The following EDC4 variants were observed in gnomAD, a reference collection of about 807,000 sequenced individuals.
The protein encoded by EDC4 is enhancer of mRNA-decapping protein 4.
A neutral mutation model predicts 155.8 loss-of-function variants in EDC4; 64 were observed. That is an observed-to-expected ratio of 0.41 (90% CI 0.34 to 0.51). The LOEUF is 0.51. EDC4 is among the 20% of genes least tolerant of loss of function. The pLI is 0.19. For missense variants in EDC4, 1,303 were observed against 1,812.5 expected (o/e 0.72, Z 5.10); for synonymous variants, 684 against 716.8 (o/e 0.95, Z 0.73).
Position 67,875,976 on chromosome 16 carries a change from T to G in EDC4, c.114T>G (p.Ser38Arg), listed in dbSNP as rs2058039762. The G allele has an allele frequency of 1.3e-5, 21 of 1,614,046 alleles. No homozygotes were observed. Among genetic ancestry groups the G allele is most frequent in the Non-Finnish European group, 1.8e-5 (21 of 1,180,014 alleles). The change falls in exon 2 of 29, where the codon AGT becomes AGG. Residue 38 changes from serine (S) to arginine (R), a missense_variant. Ser to Arg is a moderately radical substitution (Grantham distance 110). Transcript: ENST00000358933. ...GPSAESPRPS[S>R]AYNGDLNGLL... is the part of the protein sequence containing the mutation. ...GTGCAGAGAGCCCACGGCCATCCAG[T>G]GCCTACAATGGGGACCTCAATGGAC... is the stretch of plus-strand genomic sequence containing the variant.
At position 67,882,175 on chromosome 16, in the gene EDC4, T is replaced by G; in HGVS notation, c.3161-37T>G. On this transcript the variant is annotated intron_variant, in intron 23 of 28. Transcript: ENST00000358933. The surrounding 1 kb of genome is among the most constrained non-coding windows in gnomAD (Gnocchi z 7.2). ...GGAGTGGGGTACCTGTCAAGCTTCT[T>G]CTCATGGCTCCACCTCACCCTCTTC... 1 of 1,610,946 alleles carries G rather than the reference T, an allele frequency of 6.2e-7. No homozygotes were observed. Among genetic ancestry groups the G allele is most frequent in the East Asian group, 2.2e-5 (1 of 44,876 alleles).
Position 67,882,874 on chromosome 16 carries a change from G to T in EDC4, c.3629+9G>T. On this transcript the variant is annotated intron_variant, in intron 26 of 28. Coordinates refer to ENST00000358933, the MANE Select transcript of EDC4 (RefSeq NM_014329.5). The surrounding 1 kb of genome is among the most constrained non-coding windows in gnomAD (Gnocchi z 7.2). ...CATGTGGCTGTGGGCAGGTGTGTGG[G>T]CAGAGTACTGGGCAAGGTGGTGGGC... The T allele has an allele frequency of 1.9e-6, 3 of 1,614,140 alleles. No individual in the cohort carries two copies. The highest frequency in any genetic ancestry group is 2.5e-6 in the Non-Finnish European group (3 of 1,180,040).
Position 67,880,267 on chromosome 16 carries a change from A to G in EDC4, c.2097+51A>G. 1.9e-6 allele frequency: 3 copies of G among 1,545,142 alleles called. No homozygotes were observed. The highest frequency in any genetic ancestry group is 2.4e-5 in the South Asian group (2 of 82,984). On this transcript the variant is annotated intron_variant, in intron 17 of 28. Transcript: ENST00000358933. The surrounding 1 kb of genome is among the most constrained non-coding windows in gnomAD (Gnocchi z 5.2). ...GTGTGGGGAGCAGGTGGGCAGCAGC[A>G]GGGAAGGTGGGTGGTGGGCTCCTCC...
Position 67,880,296 on chromosome 16 carries a change from C to G in EDC4, c.2097+80C>G. 1 of 1,507,588 alleles carries G rather than the reference C, an allele frequency of 6.6e-7. No homozygotes were observed. Among genetic ancestry groups the G allele is most frequent in the South Asian group, 1.3e-5 (1 of 77,762 alleles). 93.4% of individuals were successfully genotyped at this position (1,507,588 alleles called of 1,614,324 possible). ...AAGGTGGGTGGTGGGCTCCTCCCAG[C>G]CCCCTGCTGCTGATCCTGCTCTACC... On this transcript the variant is annotated intron_variant, in intron 17 of 28. Transcript: ENST00000358933. The surrounding 1 kb of genome is among the most constrained non-coding windows in gnomAD (Gnocchi z 5.2).
chr16:67,876,081 C>T lies in EDC4; in HGVS notation c.219C>T (p.Asn73=). The part of the protein sequence containing the change: ...KTGLRTMPPI[N]LQEKQVICLS... ...GTCTTCGGACCATGCCACCCATTAA[C>T]CTGCAAGAGAAGCAGGTCATGTGAG... The change falls in exon 2 of 29, where the codon AAC becomes AAT. Residue 73 remains asparagine, a synonymous_variant. Coordinates refer to ENST00000358933, the MANE Select transcript of EDC4 (RefSeq NM_014329.5). The surrounding 1 kb of genome is among the most constrained non-coding windows in gnomAD (Gnocchi z 5.8). 2 of 1,614,124 alleles carry T rather than the reference C, an allele frequency of 1.2e-6. No individual in the cohort carries two copies. The highest frequency in any genetic ancestry group is 2.2e-5 in the South Asian group (2 of 91,068).
chr16:67,873,209 CGCG>C lies in EDC4; in HGVS notation c.-42_-40del, dbSNP rs1052446073. On this transcript the variant is annotated 5_prime_UTR_variant, in exon 1 of 29. Transcript: ENST00000358933. ...GGCGGGTGAGCGAGGGTGCGTGGTG[CGCG>C]GCGGCGGCGGAACGAACGCGGTGCG... 76 of 1,288,634 alleles carry C rather than the reference CGCG, an allele frequency of 5.9e-5. No individual in the cohort carries two copies. Among genetic ancestry groups the C allele is most frequent in the South Asian group, 1.1e-4 (6 of 57,098 alleles). The allele number at this position is 1,288,634 out of a possible 1,614,324, so 79.8% of individuals were successfully genotyped here. A position where few individuals can be genotyped will look rare whatever the true frequency, so the allele number is the denominator to read the frequency against.
chr16:67,873,215 G>A lies in EDC4; in HGVS notation c.-47G>A, dbSNP rs2058026806. On this transcript the variant is annotated 5_prime_UTR_variant, in exon 1 of 29. Coordinates refer to ENST00000358933, the MANE Select transcript of EDC4 (RefSeq NM_014329.5). ...TGAGCGAGGGTGCGTGGTGCGCGGC[G>A]GCGGCGGAACGAACGCGGTGCGGGC... The A allele has an allele frequency of 1.5e-6, 2 of 1,328,470 alleles. No homozygotes were observed. Among genetic ancestry groups the A allele is most frequent in the South Asian group, 1.7e-5 (1 of 58,630 alleles). The allele number at this position is 1,328,470 out of a possible 1,614,324, so 82.3% of individuals were successfully genotyped here. A position where few individuals can be genotyped will look rare whatever the true frequency, so the allele number is the denominator to read the frequency against.
chr16:67,878,684 A>G lies in EDC4; in HGVS notation c.1184+53A>G. 4.3e-6 allele frequency: 7 copies of G among 1,614,158 alleles called. No individual in the cohort carries two copies. The highest frequency in any genetic ancestry group is 5.9e-6 in the Non-Finnish European group (7 of 1,180,026). On this transcript the variant is annotated intron_variant, in intron 10 of 28. Coordinates refer to ENST00000358933, the MANE Select transcript of EDC4 (RefSeq NM_014329.5). This position sits in a 1 kb window ranked among gnomAD's most constrained non-coding sequence, Gnocchi z 5.2. ...CTGGGCAGGGGCGGCAGGGTTGGGAATGTAGCTTCCTTCAGTTCTCAGGCT... is the reference window on the plus strand; with the variant it reads ...CTGGGCAGGGGCGGCAGGGTTGGGAGTGTAGCTTCCTTCAGTTCTCAGGCT...
Position 67,878,257 on chromosome 16 carries a change from A to G in EDC4, c.986A>G (p.Glu329Gly). 1.9e-6 allele frequency: 3 copies of G among 1,614,164 alleles called. No homozygotes were observed. Among genetic ancestry groups the G allele is most frequent in the Non-Finnish European group, 2.5e-6 (3 of 1,180,038 alleles). ...GYVKFWQIYI[E>G]GQDEPRCLHE... is the part of the protein sequence containing the mutation. ...GTCAAGTTCTGGCAGATCTACATTG[A>G]GGGGCAAGATGAGCCAAGGTAAGGC... is the stretch of plus-strand genomic sequence containing the variant. The change falls in exon 8 of 29, where the codon GAG becomes GGG. Residue 329 changes from glutamate to glycine, a missense_variant. This residue lies in a region of EDC4 where 235 missense variants were observed against 367.7 expected (regional missense o/e 0.64). Transcript: ENST00000358933. This position sits in a 1 kb window ranked among gnomAD's most constrained non-coding sequence, Gnocchi z 5.2.
At position 67,883,530 on chromosome 16, in the gene EDC4, A is replaced by T; in HGVS notation, c.3850-38A>T. 6.2e-7 allele frequency: 1 copy of T among 1,606,460 alleles called. No individual in the cohort carries two copies. The highest frequency in any genetic ancestry group is 8.5e-7 in the Non-Finnish European group (1 of 1,178,044). ...TCAGACAAGCAGACATTCCATCCTGATATTTGCTATAAACACTGCTGCTTT... is the reference window on the plus strand; with the variant it reads ...TCAGACAAGCAGACATTCCATCCTGTTATTTGCTATAAACACTGCTGCTTT... On this transcript the variant is annotated intron_variant, in intron 27 of 28. Coordinates refer to ENST00000358933, the MANE Select transcript of EDC4 (RefSeq NM_014329.5). This position sits in a 1 kb window ranked among gnomAD's most constrained non-coding sequence, Gnocchi z 5.3.
chr16:67,873,180 C>T lies in EDC4; in HGVS notation c.-82C>T. 1 of 1,104,838 alleles carries T rather than the reference C, an allele frequency of 9.1e-7. No individual in the cohort carries two copies. The highest frequency in any genetic ancestry group is 1.2e-6 in the Non-Finnish European group (1 of 834,578). The allele number at this position is 1,104,838 out of a possible 1,614,324, so 68.4% of individuals were successfully genotyped here. Reference sequence around the variant, plus strand: ...GTGACCGGCGTCCCGCTGTCTCGCCCCGTGGCGGGTGAGCGAGGGTGCGTG... The same window carrying T: ...GTGACCGGCGTCCCGCTGTCTCGCCTCGTGGCGGGTGAGCGAGGGTGCGTG... On this transcript the variant is annotated 5_prime_UTR_variant, in exon 1 of 29. Transcript: ENST00000358933.
In EDC4 at chr16:67,879,087, G is replaced by T; in HGVS notation, c.1418G>T (p.Arg473Leu). The change falls in exon 12 of 29, where the codon CGG (arginine) becomes CTG (leucine). Residue 473 changes from arginine (R) to leucine (L), a missense_variant. Around this residue, in one of 5 missense-constraint regions of EDC4, gnomAD observed 391 missense variants for 445.4 expected, o/e 0.88. Transcript: ENST00000358933. This position sits in a 1 kb window ranked among gnomAD's most constrained non-coding sequence, Gnocchi z 6.0. The part of the protein sequence containing the change: ...GIQVVSRCRL[R>L]HTEVLPAEEE... ...CAGGTTGTGAGTCGCTGCCGGCTACGGCACACTGAGGTGCTGCCTGCCGAA... is the reference window on the plus strand; with the variant it reads ...CAGGTTGTGAGTCGCTGCCGGCTACTGCACACTGAGGTGCTGCCTGCCGAA... 1 of 1,613,838 alleles carries T rather than the reference G, an allele frequency of 6.2e-7. No individual in the cohort carries two copies. The highest frequency in any genetic ancestry group is 2.2e-5 in the East Asian group (1 of 44,882).
Position 67,876,074 on chromosome 16 carries a change from C to A in EDC4, c.212C>A (p.Pro71His), listed in dbSNP as rs769061225. The A allele has an allele frequency of 6.2e-7, 1 of 1,614,108 alleles. No individual in the cohort carries two copies. Among genetic ancestry groups the A allele is most frequent in the Non-Finnish European group, 8.5e-7 (1 of 1,180,018 alleles). ...ANKTGLRTMP[P>H]INLQEKQVIC... is the part of the protein sequence containing the mutation. ...AAGACTGGTCTTCGGACCATGCCAC[C>A]CATTAACCTGCAAGAGAAGCAGGTC... is the stretch of plus-strand genomic sequence containing the variant. The change falls in exon 2 of 29, where the codon CCC (proline) becomes CAC (histidine). Residue 71 changes from proline to histidine, a missense_variant. Transcript: ENST00000358933. The surrounding 1 kb of genome is among the most constrained non-coding windows in gnomAD (Gnocchi z 5.8).
Position 67,881,984 on chromosome 16 carries a change from G to A in EDC4, c.3035G>A (p.Gly1012Glu), listed in dbSNP as rs542709060. 147 of 1,610,198 alleles carry A rather than the reference G, an allele frequency of 9.1e-5. No homozygotes were observed. The highest frequency in any genetic ancestry group is 1.0e-4 in the Non-Finnish European group (123 of 1,178,314). The change falls in exon 23 of 29, where the codon GGG (glycine) becomes GAG (glutamate). Residue 1012 changes from glycine to glutamate, a missense_variant. By Grantham distance (98) the Gly-to-Glu change is moderately conservative (BLOSUM62 -2). Coordinates refer to ENST00000358933, the MANE Select transcript of EDC4 (RefSeq NM_014329.5). This position sits in a 1 kb window ranked among gnomAD's most constrained non-coding sequence, Gnocchi z 5.4. ...QRRLERALAE[G>E]QQRGGQLQEQ... ...CGGCTGGAGCGAGCACTGGCTGAGG[G>A]GCAGCAGCGGGGAGGGCAGCTGCAG... is the stretch of plus-strand genomic sequence containing the variant.
chr16:67,879,357 AC>A lies in EDC4; in HGVS notation c.1541+49del. The A allele has an allele frequency of 6.2e-7, 1 of 1,613,948 alleles. No individual in the cohort carries two copies. Among genetic ancestry groups the A allele is most frequent in the South Asian group, 1.1e-5 (1 of 91,082 alleles). On this transcript the variant is annotated intron_variant, in intron 13 of 28. Coordinates refer to ENST00000358933, the MANE Select transcript of EDC4 (RefSeq NM_014329.5). This position sits in a 1 kb window ranked among gnomAD's most constrained non-coding sequence, Gnocchi z 6.0. ...CAGTGTCCTGTCTGTGTCTGTCTCC[AC>A]TCTACTGACCCTTGCCCTTGGAGCA...
At position 67,881,102 on chromosome 16, in the gene EDC4, A is replaced by C. The variant is rs1353286322; in HGVS notation, c.2558A>C (p.His853Pro). 1 of 1,614,094 alleles carries C rather than the reference A, an allele frequency of 6.2e-7. No individual in the cohort carries two copies. The highest frequency in any genetic ancestry group is 8.5e-7 in the Non-Finnish European group (1 of 1,180,012). Residue 853 changes from histidine (H) to proline (P), a missense_variant, in exon 19 of 29, where the codon CAC becomes CCC. His to Pro is a moderately conservative substitution (Grantham distance 77). Coordinates refer to ENST00000358933, the MANE Select transcript of EDC4 (RefSeq NM_014329.5). The surrounding 1 kb of genome is among the most constrained non-coding windows in gnomAD (Gnocchi z 5.4). ...ESPRNGLQEK[H>P]KSLAFHRPPY... ...CCCAGGAATGGCCTTCAGGAAAAGCACAAGAGCCTGGCCTTCCACCGACCA... is the reference window on the plus strand; with the variant it reads ...CCCAGGAATGGCCTTCAGGAAAAGCCCAAGAGCCTGGCCTTCCACCGACCA...
Position 67,877,486 on chromosome 16 carries a change from C to T in EDC4, c.642-23C>T, listed in dbSNP as rs973323296. ...GTGTCACGCCTCTTCATTCATCTAT[C>T]TAGCCCTTAACACCCTGCTCAGAGA... On this transcript the variant is annotated intron_variant, in intron 5 of 28. Coordinates refer to ENST00000358933, the MANE Select transcript of EDC4 (RefSeq NM_014329.5). The surrounding 1 kb of genome is among the most constrained non-coding windows in gnomAD (Gnocchi z 4.9). 1.2e-6 allele frequency: 2 copies of T among 1,613,752 alleles called. No homozygotes were observed. The highest frequency in any genetic ancestry group is 1.7e-6 in the Non-Finnish European group (2 of 1,179,852).
In EDC4 at chr16:67,877,911, T is replaced by C; in HGVS notation, c.894+66T>C. ...CCTCATATCCATCTTCTGTTCCCTA[T>C]ATCCACAGCTGCCCGGGCAGCTTTA... On this transcript the variant is annotated intron_variant, in intron 7 of 28. Coordinates refer to ENST00000358933, the MANE Select transcript of EDC4 (RefSeq NM_014329.5). The surrounding 1 kb of genome is among the most constrained non-coding windows in gnomAD (Gnocchi z 4.9). 4.4e-6 allele frequency: 7 copies of C among 1,592,932 alleles called. No homozygotes were observed. Among genetic ancestry groups the C allele is most frequent in the Non-Finnish European group, 6.0e-6 (7 of 1,168,360 alleles).
Position 67,878,714 on chromosome 16 carries a change from C to G in EDC4, c.1185-23C>G. The G allele has an allele frequency of 6.2e-7, 1 of 1,614,176 alleles. No homozygotes were observed. On this transcript the variant is annotated intron_variant, in intron 10 of 28. Transcript: ENST00000358933. The surrounding 1 kb of genome is among the most constrained non-coding windows in gnomAD (Gnocchi z 5.2). ...GCTTCCTTCAGTTCTCAGGCTCATT[C>G]ACTCTGCTTTGTGGCTCTCTAGCTT... is the stretch of plus-strand genomic sequence containing the variant.
Sources: allele counts gnomAD v4.1 joint callset, GRCh38; gene constraint gnomAD v4.1.1; regional missense constraint gnomAD v4.1.1; non-coding constraint Gnocchi (gnomAD v3.1); transcripts MANE v1.5; gene names NCBI Gene and HGNC (gene_info 2026-07-23, HGNC 2026-07-21).